Variants in CLASP1 observed in about 807,000 individuals in gnomAD.
CLASP1 encodes the protein cytoplasmic linker associated protein 1.
CLASP1 carries 38 observed loss-of-function variants against 192.3 expected under a neutral mutation model. That is an observed-to-expected ratio of 0.20 (90% confidence interval 0.15 to 0.26). The LOEUF is 0.26. Among genes scored for constraint, CLASP1 ranks in the 10% least tolerant of loss-of-function variants. The pLI, the probability that CLASP1 is intolerant of heterozygous loss-of-function variation, is 1.00. For synonymous variants in CLASP1, 691 were observed against 712.8 expected, an observed-to-expected ratio of 0.97 and a Z score of 0.49; for missense variants, 1,433 against 1,932.5, an observed-to-expected ratio of 0.74 and a Z score of 4.85.
intron 33 of CLASP1, 39 bp from the exon 35 acceptor site, chr2:121,377,688 T>G: frequency 6.9e-7 from 1 of 1,441,818 alleles, no homozygotes; most frequent in South Asian, 1.3e-5. Flanking sequence ...AATCGAGGCA[T>G]ATACATAGAA....
chr2:121,601,924 C>A (rs2063827617), intron 2 of CLASP1, among the ~76,000 whole-genome samples: 1 of 152,058 alleles, frequency 6.6e-6, no homozygotes. Context: ...ACTGTAATCC[C>A]AGCACTTTGG....
intron 9 of CLASP1, among the ~76,000 whole-genome samples, chr2:121,466,165 T>C (rs960911391): frequency 2.0e-5 from 3 of 152,220 alleles, no homozygotes; most frequent in Admixed American, 6.5e-5. Flanking sequence ...AAAGTATTGA[T>C]ATATGCTACA....
At chr2:121,410,414 G>C (rs979849833) in intron 24 of CLASP1, among the ~76,000 whole-genome samples, 1 of 151,738 alleles carries the variant, frequency 6.6e-6, no homozygotes, top group South Asian at 2.1e-4. Flanking sequence ...CAAGATAATA[G>C]AATAAATGCA....
intron 6 of CLASP1, among the ~76,000 whole-genome samples, chr2:121,518,915 A>C (rs1288340239): frequency 6.6e-6 from 1 of 152,192 alleles, no homozygotes; most frequent in Non-Finnish European, 1.5e-5. Context: ...ATATTACAGA[A>C]GTAGTCAATG....
chr2:121,605,134 A>T (rs1331475387), intron 2 of CLASP1, among the ~76,000 whole-genome samples: 1 of 68,174 alleles, frequency 1.5e-5, no homozygotes, highest in African/African-American at 5.5e-5. Flanking sequence ...CCCCACCCCC[A>T]CTCCCTACCA....
intron 19 of CLASP1, among the ~76,000 whole-genome samples, chr2:121,437,570 C>T (rs1200280738): frequency 6.6e-6 from 1 of 152,172 alleles, no homozygotes; most frequent in Admixed American, 6.5e-5. Flanking sequence ...ACAAAGGTAA[C>T]GTAAACTCTG....
intron 2 of CLASP1, among the ~76,000 whole-genome samples, chr2:121,581,612 TG>T (rs2061178384): frequency 6.6e-6 from 1 of 152,098 alleles, no homozygotes; most frequent in Admixed American, 6.5e-5. Flanking sequence ...AGGCCAGGAA[TG>T]GTGGCTCAAG....
exon 33 of CLASP1, chr2:121,382,280 G>A: frequency 6.2e-7 from 1 of 1,602,250 alleles, no homozygotes; most frequent in East Asian, 2.2e-5. Context: ...AGAAAAGGGA[G>A]GTGGGTGCTT....
At chr2:121,606,117 G>A (rs1188582846) in exon 2 of CLASP1, 3 of 558,942 alleles carry the variant, frequency 5.4e-6, no homozygotes, top group South Asian at 2.5e-5. Flanking sequence ...GGAGATAAAG[G>A]AGTGAGTGGC....
At chr2:121,639,114 A>C (rs1440747707) in intron 1 of CLASP1, among the ~76,000 whole-genome samples, 1 of 152,062 alleles carries the variant, frequency 6.6e-6, no homozygotes, top group Non-Finnish European at 1.5e-5. Flanking sequence ...GTCTCTACTA[A>C]AAATACAAAA....
chr2:121,576,440 C>A (rs914417143), intron 2 of CLASP1, among the ~76,000 whole-genome samples: 7 of 152,152 alleles, frequency 4.6e-5, no homozygotes, highest in Non-Finnish European at 1.0e-4. Flanking sequence ...GAGTATAGTG[C>A]AATACCAGGT....
intron 22 of CLASP1, among the ~76,000 whole-genome samples, 173 bp from the exon 23 acceptor site, chr2:121,418,902 C>CG (rs1013892299): frequency 3.9e-5 from 6 of 152,148 alleles, no homozygotes; most frequent in African/African-American, 1.4e-4. Flanking sequence ...GACGTGCCAA[C>CG]GGGGGAGGGT....
At chr2:121,350,033 A>G (rs561322935) in intron 37 of CLASP1, among the ~76,000 whole-genome samples, 61 of 152,354 alleles carry the variant, frequency 4.0e-4, no homozygotes, top group African/African-American at 1.1e-3. Context: ...GGCACAGAGT[A>G]CACATTATAT....
chr2:121,393,278 G>A (rs2074688934), intron 30 of CLASP1, among the ~76,000 whole-genome samples: 1 of 152,108 alleles, frequency 6.6e-6, no homozygotes, highest in Non-Finnish European at 1.5e-5. Flanking sequence ...AAAAATTAAA[G>A]CAGGACATTC....
chr2:121,596,655 G>A (rs552782480), intron 2 of CLASP1, among the ~76,000 whole-genome samples: 17 of 152,228 alleles, frequency 1.1e-4, no homozygotes, highest in Admixed American at 1.1e-3. Flanking sequence ...AACCAGAAAG[G>A]GAGAAACAGG....
At chr2:121,402,727 A>G (rs1311903919) in intron 26 of CLASP1, 2 of 496,770 alleles carry the variant, frequency 4.0e-6, no homozygotes, top group Non-Finnish European at 8.0e-6. Flanking sequence ...TTCACGTTAT[A>G]AATCTTAAGA....
Position 121,401,676 on chromosome 2 carries a change from G to A in CLASP1, c.2737-4C>T. On this transcript the variant is annotated splice_polypyrimidine_tract_variant and splice_region_variant and intron_variant, in intron 27 of 39. Transcript: ENST00000263710. ...TCTCCAAAAACATACTGAAAACCTAGACACAAATGAAAACCAAGTAGTTCA... is the reference window on the plus strand; with the variant it reads ...TCTCCAAAAACATACTGAAAACCTAAACACAAATGAAAACCAAGTAGTTCA... The A allele has an allele frequency of 6.2e-7, 1 of 1,606,196 alleles. No homozygotes were observed. Among genetic ancestry groups the A allele is most frequent in the Non-Finnish European group, 8.5e-7 (1 of 1,176,548 alleles).
intron 33 of CLASP1, 104 bp from the exon 35 acceptor site, chr2:121,377,753 A>T: frequency 2.5e-6 from 2 of 810,510 alleles, no homozygotes; most frequent in Non-Finnish European, 1.8e-6. Flanking sequence ...ACATATTTAT[A>T]GTTTTGTTTA....
At chr2:121,427,364 A>G (rs768568982) in intron 21 of CLASP1, 40 bp downstream of exon 21, 1 of 1,609,562 alleles carries the variant, frequency 6.2e-7, no homozygotes, top group Admixed American at 1.7e-5. Flanking sequence ...AATGCCAACA[A>G]CAACAACAAC....
Sources: allele counts gnomAD v4.1 joint callset (sites outside exome capture counted in the v4.1 genomes callset), GRCh38; gene constraint gnomAD v4.1.1; transcripts MANE v1.5; gene names NCBI Gene and HGNC (gene_info 2026-07-23, HGNC 2026-07-21).